ACP6: variants seen among roughly 807,000 people sequenced by gnomAD.
The protein encoded by ACP6 is acid phosphatase 6, lysophosphatidic.
A neutral mutation model predicts 48.1 loss-of-function variants in ACP6; 48 were observed. That is an observed-to-expected ratio of 1.00 (90% confidence interval 0.79 to 1.27). The LOEUF is 1.27. Among genes scored for constraint, ACP6 ranks in the 50% most tolerant of loss-of-function variants. ACP6 has a pLI of 0.00. For missense variants in ACP6, 485 were observed against 529.1 expected, an observed-to-expected ratio of 0.92 and a Z score of 0.82; for synonymous variants, 172 against 204.2, an observed-to-expected ratio of 0.84 and a Z score of 1.34.
At chr1:147,635,865 A>G (rs1659285166) in intron 5 of ACP6, among the ~76,000 whole-genome samples, 1 of 152,214 alleles carries the variant, frequency 6.6e-6, no homozygotes, top group Non-Finnish European at 1.5e-5. Flanking sequence ...AATAGGAAGA[A>G]AACAGAAATG....
At chr1:147,664,205 A>T (rs1660687007) in intron 1 of ACP6, among the ~76,000 whole-genome samples, 1 of 151,918 alleles carries the variant, frequency 6.6e-6, no homozygotes, top group Non-Finnish European at 1.5e-5. Flanking sequence ...ACAGTTAATC[A>T]CTGCTCCCTC....
chr1:147,636,355 G>A (rs1659300144), intron 5 of ACP6, among the ~76,000 whole-genome samples: 1 of 152,212 alleles, frequency 6.6e-6, no homozygotes, highest in Non-Finnish European at 1.5e-5. Context: ...CACAAAAGAA[G>A]TCCTGCCATC....
In ACP6 at chr1:147,642,594, TAGGA is replaced by T. The variant is rs1273961916; in HGVS notation, c.*4825_*4828del. On this transcript the variant is annotated 3_prime_UTR_variant, in exon 10 of 10. Transcript: ENST00000583509. ...GAAAGCAAGTGAGGGTATGGCCCAT[TAGGA>T]AGCCACTGTGGTAACCTAGGAGGGT... 6.6e-6 allele frequency: 1 copy of T among 152,012 alleles called. No homozygotes were observed. The highest frequency in any genetic ancestry group is 2.4e-5 in the African/African-American group (1 of 41,320). 9.4% of individuals were successfully genotyped at this position (152,012 alleles called of 1,614,324 possible).
downstream of ACP6, among the ~76,000 whole-genome samples, chr1:147,639,270 T>C (rs587627679): frequency 1.7e-4 from 26 of 152,186 alleles, no homozygotes; most frequent in Non-Finnish European, 3.4e-4. Flanking sequence ...TTCCATAATG[T>C]TACCTTACTC....
intron 5 of ACP6, 60 bp downstream of exon 5, chr1:147,655,101 G>A: frequency 1.4e-6 from 2 of 1,392,612 alleles, no homozygotes; most frequent in Non-Finnish European, 2.0e-6. Context: ...ACAGAGTTCT[G>A]CCAGCAAAGG....
intron 7 of ACP6, chr1:147,651,705 C>A (rs2148905353): frequency 6.6e-6 from 1 of 152,242 alleles, no homozygotes; most frequent in African/African-American, 2.4e-5. Context: ...GGGCTCTTAT[C>A]CTTGGGCACC....
chr1:147,632,194 A>AACACAC (rs71584653), intron 5 of ACP6, among the ~76,000 whole-genome samples: 3,067 of 145,980 alleles, frequency 0.021, 59 homozygotes, highest in African/African-American at 0.044. Context: ...ACCTATGCCC[A>AACACAC]ACACACACAC....
chr1:147,652,694 G>T, intron 6 of ACP6, 145 bp from the exon 7 acceptor site: 1 of 1,556,670 alleles, frequency 6.4e-7, no homozygotes, highest in Non-Finnish European at 8.7e-7. Context: ...CTGTTAACAG[G>T]TCAAGAAGCT....
chr1:147,650,082 C>T, intron 8 of ACP6, 61 bp downstream of exon 8: 1 of 1,489,242 alleles, frequency 6.7e-7, no homozygotes, highest in Non-Finnish European at 9.2e-7. Flanking sequence ...GGGTTCCCTC[C>T]CTACAGCCAG....
chr1:147,661,299 CCAT>C (rs1371241058), intron 1 of ACP6, among the ~76,000 whole-genome samples: 2 of 136,000 alleles, frequency 1.5e-5, no homozygotes, highest in African/African-American at 6.0e-5. Context: ...CAGGCATATA[CCAT>C]CATGCCCAGC....
In ACP6 at chr1:147,654,336, A is replaced by T; in HGVS notation, c.648-10T>A. On this transcript the variant is annotated splice_polypyrimidine_tract_variant and intron_variant, in intron 5 of 9. Coordinates refer to ENST00000583509, the MANE Select transcript of ACP6 (RefSeq NM_016361.5). ...AGTCTGCCTCCGGCCTCTGACAAAA[A>T]ATAAAAAGTAAAGCCTTATATTCTA... is the stretch of plus-strand genomic sequence containing the variant. 6.2e-7 allele frequency: 1 copy of T among 1,613,706 alleles called. No individual in the cohort carries two copies. The highest frequency in any genetic ancestry group is 1.7e-4 in the Middle Eastern group (1 of 6,060).
In ACP6 at chr1:147,658,953, T is replaced by C; in HGVS notation, c.559+7A>G. ...GACAGGGACTGACTGGGACCCCAAA[T>C]ACGAACCTTCTTTCTGACACTGGAA... On this transcript the variant is annotated splice_region_variant and intron_variant, in intron 4 of 9. Transcript: ENST00000583509. The C allele has an allele frequency of 6.2e-7, 1 of 1,609,476 alleles. No individual in the cohort carries two copies. Among genetic ancestry groups the C allele is most frequent in the East Asian group, 2.2e-5 (1 of 44,808 alleles).
rs782254275 is a variant in ACP6, at chr1:147,647,386, T to C, written c.*37A>G. The stretch of plus-strand genomic sequence containing the variant: ...CAGGAGGCATTGTATAAAGGCACTT[T>C]ATTTTAAAATCAACACATCCTGCTT... On this transcript the variant is annotated 3_prime_UTR_variant, in exon 10 of 10. Transcript: ENST00000583509. 1 of 1,611,952 alleles carries C rather than the reference T, an allele frequency of 6.2e-7. No homozygotes were observed. The highest frequency in any genetic ancestry group is 1.3e-5 in the African/African-American group (1 of 75,006).
chr1:147,650,759 T>A (rs1659879126), intron 7 of ACP6: 1 of 152,338 alleles, frequency 6.6e-6, no homozygotes, highest in Admixed American at 6.5e-5. Flanking sequence ...GTGGTCGTGC[T>A]CCCAGGCTTG....
intron 5 of ACP6, among the ~76,000 whole-genome samples, chr1:147,634,122 A>G (rs587637452): frequency 1.3e-5 from 2 of 152,230 alleles, no homozygotes; most frequent in South Asian, 4.1e-4. Context: ...AAGGGTTCCA[A>G]TTTCTCTAGA....
chr1:147,638,212 T>C (rs1659349562), downstream of ACP6, among the ~76,000 whole-genome samples: 1 of 152,242 alleles, frequency 6.6e-6, no homozygotes, highest in South Asian at 2.1e-4. Context: ...AAACAAATAA[T>C]CGCTAATATT....
At chr1:147,658,105 T>C (rs782039520) in intron 4 of ACP6, among the ~76,000 whole-genome samples, 26 of 152,326 alleles carry the variant, frequency 1.7e-4, no homozygotes, top group South Asian at 6.2e-4. Flanking sequence ...ACACGTACTG[T>C]TTGTGTGCAG....
rs147226473 is a variant in ACP6, at chr1:147,661,474, C to T, written c.220-1699G>A. 3.0e-4 allele frequency among the ~76,000 whole-genome samples: 46 copies of T among 152,240 alleles called. No homozygotes were observed. The East Asian group carries it at 8.1e-3, about 27-fold the overall frequency. On this transcript the variant is annotated intron_variant, in intron 1 of 9. Transcript: ENST00000583509. ...ATAAATGTTGTGTGTTTTCTGAGTG[C>T]TCTGCTGACTGGTATTTCCCCCATC...
In ACP6 at chr1:147,670,131, GC is replaced by G. The variant is rs1661022355; in HGVS notation, c.-84del. 4.5e-6 allele frequency: 6 copies of G among 1,334,376 alleles called. No individual in the cohort carries two copies. Among genetic ancestry groups the G allele is most frequent in the Non-Finnish European group, 3.0e-6 (3 of 1,008,616 alleles). 82.7% of individuals were successfully genotyped at this position (1,334,376 alleles called of 1,614,324 possible). ...CTGCGGGCGCCGGGGCTCAGCGGGC[GC>G]CCCCAAGTCCGCGGGAACCTGCGGA... On this transcript the variant is annotated 5_prime_UTR_variant, in exon 1 of 10. It removes the in-frame stop codon of an upstream open reading frame in the 5' UTR. Coordinates refer to ENST00000583509, the MANE Select transcript of ACP6 (RefSeq NM_016361.5).
Sources: allele counts gnomAD v4.1 joint callset (sites outside exome capture counted in the v4.1 genomes callset), GRCh38; gene constraint gnomAD v4.1.1; transcripts MANE v1.5; gene names NCBI Gene and HGNC (gene_info 2026-07-23, HGNC 2026-07-21).